CERS5: variants seen among roughly 807,000 people sequenced by gnomAD.
The protein encoded by CERS5 is ceramide synthase 5.
In CERS5, 37 loss-of-function variants were observed where a neutral mutation model predicts 58.9. The observed-to-expected ratio is 0.63, with a 90% CI of 0.48 to 0.83. The LOEUF (loss-of-function observed/expected upper bound fraction) is 0.83. Among genes scored for constraint, CERS5 ranks in the 40% least tolerant of loss-of-function variants. The probability of loss-of-function intolerance (pLI) is 0.00; values close to 1 mark genes in which losing one functional copy is unlikely to be tolerated. For synonymous variants in CERS5, 147 were observed against 177.8 expected, an observed-to-expected ratio of 0.83 and a Z score of 1.38; for missense variants, 398 against 489.3, an observed-to-expected ratio of 0.81 and a Z score of 1.76.
rs1350019923 is a variant in CERS5 at position 50,143,976 on chromosome 12, T to G, written c.279A>C (p.Glu93Asp). Residue 93 changes from glutamate (E) to aspartate (D), a missense_variant, in exon 2 of 10, where the codon GAA becomes GAC. Transcript: ENST00000317551. ...CCTTGGTAATAGATATGAACACCTT[T>G]TCAAGGATGGCATTGGGTTGGGCCT... Reference protein sequence around the residue: ...PYQAQPNAILEKVFISITKYP... With the variant: ...PYQAQPNAILDKVFISITKYP... The G allele has an allele frequency of 6.2e-7, 1 of 1,609,998 alleles. No homozygotes were observed.
At chr12:50,148,919 A>T (rs1214348476) in intron 1 of CERS5, among the ~76,000 whole-genome samples, 387 of 70,132 alleles carry the variant, frequency 5.5e-3, no homozygotes, top group African/African-American at 0.015. Context: ...AAAAAAAAAA[A>T]AAAAAAAAAT....
At chr12:50,134,428 G>A (rs1206360333) in intron 9 of CERS5, 118 bp downstream of exon 9, 1 of 1,605,648 alleles carries the variant, frequency 6.2e-7, no homozygotes, top group African/African-American at 1.3e-5. Flanking sequence ...GGAGCCCTAG[G>A]CTTTTTGCTT....
intron 4 of CERS5, among the ~76,000 whole-genome samples, chr12:50,140,284 ATTTTTTTTTTT>A (rs57651378): frequency 1.0e-5 from 1 of 96,244 alleles, no homozygotes; most frequent in Non-Finnish European, 1.9e-5. Flanking sequence ...TAACTTCCAA[ATTTTTTTTTTT>A]TTTTTTTTTT....
chr12:50,138,747 G>C, intron 4 of CERS5, 130 bp from the exon 5 acceptor site: 2 of 769,698 alleles, frequency 2.6e-6, no homozygotes, highest in South Asian at 2.8e-5. Flanking sequence ...AGATTTTAGG[G>C]CTCCCTAAAG....
intron 1 of CERS5, among the ~76,000 whole-genome samples, chr12:50,161,784 G>GAGAAAAAAAAAAAAA (rs1939293766): frequency 1.1e-5 from 1 of 90,862 alleles, no homozygotes; most frequent in African/African-American, 4.6e-5. Context: ...CTCAAAAAAA[G>GAGAAAAAAAAAAAAA]AAAAAAAAAA....
At chr12:50,146,534 A>T (rs1952276438) in intron 1 of CERS5, among the ~76,000 whole-genome samples, 1 of 152,210 alleles carries the variant, frequency 6.6e-6, no homozygotes, top group Admixed American at 6.5e-5. Context: ...AAAGCTACTC[A>T]TATCCAGTCA....
intron 1 of CERS5, chr12:50,147,267 G>A (rs1592384863): frequency 1.3e-5 from 2 of 152,190 alleles, no homozygotes. Flanking sequence ...GACAGGCGTG[G>A]TGGTGTGTGC....
chr12:50,154,639 T>A (rs1419181135), intron 1 of CERS5, among the ~76,000 whole-genome samples: 1 of 152,200 alleles, frequency 6.6e-6, no homozygotes, highest in Non-Finnish European at 1.5e-5. Context: ...AAATAATATT[T>A]TTCAAAAAGC....
At chr12:50,164,610 C>A (rs1405136928) in intron 1 of CERS5, among the ~76,000 whole-genome samples, 1 of 152,166 alleles carries the variant, frequency 6.6e-6, no homozygotes, top group Non-Finnish European at 1.5e-5. Flanking sequence ...AAACAAGGTG[C>A]CTGTCTTTAC....
rs1279455398 is a variant in CERS5, at chr12:50,130,002, G to A, written c.*543C>T. On this transcript the variant is annotated 3_prime_UTR_variant, in exon 10 of 10. Transcript: ENST00000317551. ...GGAAGGGGATCTAGCTAGGGACCAC[G>A]GCAATCCTGGCCATCCATCCATGGT... 3.9e-5 allele frequency: 6 copies of A among 152,564 alleles called. No individual in the cohort carries two copies. Among genetic ancestry groups the A allele is most frequent in the African/African-American group, 1.4e-4 (6 of 41,410 alleles). 9.5% of individuals were successfully genotyped at this position (152,564 alleles called of 1,614,324 possible).
At chr12:50,143,579 T>A (rs1047557503) in intron 2 of CERS5, 4 of 246,298 alleles carry the variant, frequency 1.6e-5, no homozygotes, top group African/African-American at 9.0e-5. Flanking sequence ...AAACCTTGTC[T>A]CTCCAAAAAA....
intron 1 of CERS5, among the ~76,000 whole-genome samples, chr12:50,145,678 A>G (rs574094755): frequency 6.6e-6 from 1 of 152,162 alleles, no homozygotes; most frequent in Admixed American, 6.5e-5. Flanking sequence ...GGGAAAAAAA[A>G]AATAGTTCCA....
chr12:50,152,166 C>A (rs1404475525), intron 1 of CERS5, among the ~76,000 whole-genome samples: 1 of 152,156 alleles, frequency 6.6e-6, no homozygotes, highest in Non-Finnish European at 1.5e-5. Context: ...CTGAGGCACT[C>A]TCAGGGGCTC....
chr12:50,158,381 G>A (rs1446749368), intron 1 of CERS5, among the ~76,000 whole-genome samples: 3 of 151,960 alleles, frequency 2.0e-5, no homozygotes, highest in Non-Finnish European at 2.9e-5. Context: ...TTAATCCTTG[G>A]CACATAGTTT....
intron 1 of CERS5, among the ~76,000 whole-genome samples, chr12:50,156,940 G>A (rs564373496): frequency 6.1e-4 from 93 of 152,300 alleles, no homozygotes; most frequent in African/African-American, 2.2e-3. Context: ...TTGGATTGAA[G>A]AATGCAAAAC....
chr12:50,133,486 T>C (rs1951449907), intron 9 of CERS5: 1 of 991,364 alleles, frequency 1.0e-6, no homozygotes, highest in Non-Finnish European at 1.2e-6. Context: ...ATATCTTGAA[T>C]ATCACAGCAT....
intron 1 of CERS5, among the ~76,000 whole-genome samples, chr12:50,161,784 G>GAAAAAAAAAAAAAAAAAAAAAAAAA (rs374177550): frequency 2.0e-4 from 18 of 90,870 alleles, no homozygotes; most frequent in Middle Eastern, 6.4e-3. Flanking sequence ...CTCAAAAAAA[G>GAAAAAAAAAAAAAAAAAAAAAAAAA]AAAAAAAAAA....
At chr12:50,154,159 C>T in intron 1 of CERS5, 1 of 279,458 alleles carries the variant, frequency 3.6e-6, no homozygotes, top group Non-Finnish European at 7.3e-6. Context: ...TCTAGACCAT[C>T]CTGGCCAACA....
At chr12:50,157,730 G>A (rs75375118) in intron 1 of CERS5, among the ~76,000 whole-genome samples, 1 of 152,028 alleles carries the variant, frequency 6.6e-6, no homozygotes, top group Non-Finnish European at 1.5e-5. Flanking sequence ...AAAAAAAAGA[G>A]ATCAAACCTG....
Sources: allele counts gnomAD v4.1 joint callset (sites outside exome capture counted in the v4.1 genomes callset), GRCh38; gene constraint gnomAD v4.1.1; transcripts MANE v1.5; gene names NCBI Gene and HGNC (gene_info 2026-07-23, HGNC 2026-07-21).